HSD3B2: variants seen among roughly 807,000 people sequenced by gnomAD.
HSD3B2 encodes the protein 3 beta-hydroxysteroid dehydrogenase/Delta 5-->4-isomerase type 2.
HSD3B2 carries 8 observed loss-of-function variants against 9.9 expected under a neutral mutation model. The ratio of observed to expected loss-of-function variants is 0.81; its 90% CI spans 0.47 to 1.46. The LOEUF is 1.46. HSD3B2 is among the 40% of genes most tolerant of loss of function. The probability of loss-of-function intolerance (pLI) is 0.00; values close to 1 mark genes in which losing one functional copy is unlikely to be tolerated. For missense variants in HSD3B2, 410 were observed against 448.3 expected (o/e 0.91, Z 0.77); for synonymous variants, 221 against 184.5 (o/e 1.20, Z -1.60).
chr1:119,420,461 C>T (rs1055679415), intron 3 of HSD3B2, among the ~76,000 whole-genome samples: 2 of 152,076 alleles, frequency 1.3e-5, no homozygotes, highest in African/African-American at 4.8e-5. Context: ...CATAGCCATA[C>T]CCCTAAGTAC....
At chr1:119,419,673 C>A in intron 3 of HSD3B2, 91 bp downstream of exon 3, 1 of 1,279,140 alleles carries the variant, frequency 7.8e-7, no homozygotes, top group Non-Finnish European at 1.1e-6. Context: ...CTCCATTGAA[C>A]ACCTGCTGAG....
chr1:119,422,973 T>C lies in HSD3B2; in HGVS notation c.*353T>C, dbSNP rs587707312. Reference sequence around the variant, plus strand: ...GAGAAAGCATTTCTTTTCTCTTTAATCTCCTATTCCTTCACACAGTTCAAC... The same window carrying C: ...GAGAAAGCATTTCTTTTCTCTTTAACCTCCTATTCCTTCACACAGTTCAAC... On this transcript the variant is annotated 3_prime_UTR_variant, in exon 4 of 4. Coordinates refer to ENST00000369416, the MANE Select transcript of HSD3B2 (RefSeq NM_000198.4). 11 of 433,452 alleles carry C rather than the reference T, an allele frequency of 2.5e-5. No homozygotes were observed. Among genetic ancestry groups the C allele is most frequent in the African/African-American group, 2.0e-4 (10 of 51,016 alleles). The allele number at this position is 433,452 out of a possible 1,614,324, so 26.9% of individuals were successfully genotyped here.
intron 2 of HSD3B2, among the ~76,000 whole-genome samples, chr1:119,418,617 TTTATTATTATTACTATTATTA>T (rs1328976799): frequency 0.015 from 1,770 of 114,926 alleles, 34 homozygotes; most frequent in African/African-American, 0.055. Flanking sequence ...CTGTTTATCT[TTTATTATTATTACTATTATTA>T]TTATTATTAT....
intron 2 of HSD3B2, among the ~76,000 whole-genome samples, chr1:119,416,126 T>A (rs1651701696): frequency 6.6e-6 from 1 of 151,082 alleles, no homozygotes; most frequent in Non-Finnish European, 1.5e-5. Flanking sequence ...AGACAGAGAA[T>A]GAATGAGAAA....
At position 119,419,569 on chromosome 1, in the gene HSD3B2, T is replaced by C; in HGVS notation, c.294T>C (p.Asn98=). 2 of 1,613,852 alleles carry C rather than the reference T, an allele frequency of 1.2e-6. No homozygotes were observed. The highest frequency in any genetic ancestry group is 2.2e-5 in the South Asian group (2 of 91,072). ...FGVTHRESIM[N]VNVKGTQLLL... ...TCACTCACAGAGAGTCCATCATGAA[T>C]GTCAATGTGAAAGGTACAGTAGCCT... The change falls in exon 3 of 4, where the codon AAT becomes AAC. Residue 98 remains asparagine (N), a synonymous_variant. Transcript: ENST00000369416.
chr1:119,421,517 A>T (rs1651875306), intron 3 of HSD3B2, among the ~76,000 whole-genome samples: 1 of 142,752 alleles, frequency 7.0e-6, no homozygotes, highest in African/African-American at 2.6e-5. Flanking sequence ...ATATACACAC[A>T]CGTATACATA....
rs760462265 is a variant in HSD3B2, at chr1:119,422,655, T to A, written c.*35T>A. On this transcript the variant is annotated 3_prime_UTR_variant, in exon 4 of 4. Coordinates refer to ENST00000369416, the MANE Select transcript of HSD3B2 (RefSeq NM_000198.4). ...GACAGAGATGTGCATGTGGGTATTGTTAGGAAATGTCATCAAACTCCACCC... is the reference window on the plus strand; with the variant it reads ...GACAGAGATGTGCATGTGGGTATTGATAGGAAATGTCATCAAACTCCACCC... 6.2e-7 allele frequency: 1 copy of A among 1,610,574 alleles called. No individual in the cohort carries two copies.
chr1:119,421,721 G>C (rs1225582066), intron 3 of HSD3B2, 88 bp from the exon 4 acceptor site: 1 of 1,416,622 alleles, frequency 7.1e-7, no homozygotes, highest in African/African-American at 1.4e-5. Context: ...GCACTTGGGA[G>C]TGGGGAGTGG....
intron 2 of HSD3B2, among the ~76,000 whole-genome samples, chr1:119,418,838 G>T (rs1433142023): frequency 6.6e-6 from 1 of 151,808 alleles, no homozygotes; most frequent in Non-Finnish European, 1.5e-5. Flanking sequence ...TTTTAGTAAA[G>T]ACAGGGTTTT....
intron 3 of HSD3B2, 64 bp downstream of exon 3, chr1:119,419,646 A>G (rs760242177): frequency 4.5e-5 from 68 of 1,515,170 alleles, no homozygotes; most frequent in Non-Finnish European, 5.6e-5. Context: ...GAAGGACAAG[A>G]AAGGGAAGAG....
chr1:119,418,640 T>TATG (rs1390698784), intron 2 of HSD3B2, among the ~76,000 whole-genome samples: 1 of 142,206 alleles, frequency 7.0e-6, no homozygotes, highest in East Asian at 2.0e-4. Context: ...CTATTATTAT[T>TATG]ATTATTATTA....
chr1:119,422,834 A>G lies in HSD3B2; in HGVS notation c.*214A>G. 1 of 622,796 alleles carries G rather than the reference A, an allele frequency of 1.6e-6. No individual in the cohort carries two copies. The highest frequency in any genetic ancestry group is 2.8e-6 in the Non-Finnish European group (1 of 352,136). The allele number at this position is 622,796 out of a possible 1,614,324, so 38.6% of individuals were successfully genotyped here. A position where few individuals can be genotyped will look rare whatever the true frequency, so the allele number is the denominator to read the frequency against. On this transcript the variant is annotated 3_prime_UTR_variant, in exon 4 of 4. Coordinates refer to ENST00000369416, the MANE Select transcript of HSD3B2 (RefSeq NM_000198.4). ...TTCTGTCCTAATCATACACCAGAAG[A>G]CAAACAATATGATTTGCTGTTACCA...
chr1:119,416,742 C>T (rs2101338301), intron 2 of HSD3B2, among the ~76,000 whole-genome samples: 1 of 152,342 alleles, frequency 6.6e-6, no homozygotes, highest in Middle Eastern at 3.4e-3. Context: ...TTCTTTCACT[C>T]TTCTCTGACC....
chr1:119,415,648 A>C, intron 2 of HSD3B2, 87 bp downstream of exon 2: 1 of 1,415,454 alleles, frequency 7.1e-7, no homozygotes, highest in Non-Finnish European at 1.0e-6. Flanking sequence ...CAAGTTAAGG[A>C]AAGTTGTAGC....
intron 3 of HSD3B2, 28 bp downstream of exon 3, chr1:119,419,610 C>G: frequency 6.2e-7 from 1 of 1,608,742 alleles, no homozygotes; most frequent in African/African-American, 1.3e-5. Context: ...GGAGATAAAA[C>G]AAGTTGGTTA....
intron 2 of HSD3B2, among the ~76,000 whole-genome samples, chr1:119,418,982 G>C (rs1456363614): frequency 1.3e-5 from 2 of 152,090 alleles, no homozygotes; most frequent in Non-Finnish European, 2.9e-5. Flanking sequence ...ATAAATAAGG[G>C]TTTTTCTTTG....
Position 119,422,340 on chromosome 1 carries a change from A to G in HSD3B2, c.839A>G (p.Asp280Gly). ...ILSKEFGLRL[D>G]SRWSLPLTLM... ...AGCAAAGAGTTTGGCCTCCGCCTTG[A>G]TTCCAGATGGAGCCTTCCTTTAACC... Residue 280 changes from aspartate (D) to glycine (G), a missense_variant, in exon 4 of 4, where the codon GAT becomes GGT. Coordinates refer to ENST00000369416, the MANE Select transcript of HSD3B2 (RefSeq NM_000198.4). The G allele has an allele frequency of 6.2e-7, 1 of 1,614,160 alleles. No individual in the cohort carries two copies. The highest frequency in any genetic ancestry group is 8.5e-7 in the Non-Finnish European group (1 of 1,179,996).
chr1:119,422,416 C>T lies in HSD3B2; in HGVS notation c.915C>T (p.Ser305=). 2 of 1,614,124 alleles carry T rather than the reference C, an allele frequency of 1.2e-6. No individual in the cohort carries two copies. Among genetic ancestry groups the T allele is most frequent in the Non-Finnish European group, 1.7e-6 (2 of 1,180,002 alleles). ...FLLEVVSFLL[S]PIYSYQPPFN... ...TGGAAGTAGTGAGCTTCCTACTCAGCCCAATTTACTCCTATCAACCCCCCT... is the reference window on the plus strand; with the variant it reads ...TGGAAGTAGTGAGCTTCCTACTCAGTCCAATTTACTCCTATCAACCCCCCT... The change falls in exon 4 of 4, where the codon AGC becomes AGT. Residue 305 remains serine (S), a synonymous_variant. Coordinates refer to ENST00000369416, the MANE Select transcript of HSD3B2 (RefSeq NM_000198.4).
chr1:119,419,927 G>A (rs587722573), intron 3 of HSD3B2: 7 of 343,428 alleles, frequency 2.0e-5, no homozygotes, highest in East Asian at 7.2e-5. Context: ...TCAAATTCAC[G>A]ATATCCAGCT....
Sources: allele counts gnomAD v4.1 joint callset (sites outside exome capture counted in the v4.1 genomes callset), GRCh38; gene constraint gnomAD v4.1.1; transcripts MANE v1.5; gene names NCBI Gene and HGNC (gene_info 2026-07-23, HGNC 2026-07-21).